Variants in ME2 observed in about 807,000 individuals in gnomAD.
ME2 encodes the protein malic enzyme 2.
In ME2, 60 loss-of-function variants were observed where a neutral mutation model predicts 73.7. The observed-to-expected ratio is 0.81, with a 90% CI of 0.66 to 1.01. ME2 has a LOEUF of 1.01. ME2 is among the 50% of genes least tolerant of loss of function. ME2 has a pLI of 0.00. For synonymous variants in ME2, 199 were observed against 236.9 expected, an observed-to-expected ratio of 0.84 and a Z score of 1.47; for missense variants, 594 against 705.5, an observed-to-expected ratio of 0.84 and a Z score of 1.79.
intron 15 of ME2, among the ~76,000 whole-genome samples, chr18:50,943,078 A>G (rs902759625): frequency 6.7e-6 from 1 of 150,250 alleles, no homozygotes; most frequent in Admixed American, 6.6e-5. Context: ...GGCACATGCC[A>G]CCACACCTGG....
At chr18:50,938,316 C>G (rs531187804) in intron 13 of ME2, among the ~76,000 whole-genome samples, 1 of 151,980 alleles carries the variant, frequency 6.6e-6, no homozygotes, top group African/African-American at 2.4e-5. Flanking sequence ...AGAGCGAGAC[C>G]CTGTTGCCAA....
chr18:50,943,379 A>C (rs1474569108), intron 15 of ME2, among the ~76,000 whole-genome samples: 1 of 150,784 alleles, frequency 6.6e-6, no homozygotes, highest in Non-Finnish European at 1.5e-5. Flanking sequence ...AGCTCACTGC[A>C]ACCTCTGCCT....
intron 10 of ME2, among the ~76,000 whole-genome samples, chr18:50,923,777 A>G (rs560482255): frequency 6.6e-6 from 1 of 152,316 alleles, no homozygotes; most frequent in East Asian, 1.9e-4. Flanking sequence ...AAATTTCTTA[A>G]TTCCAAAACT....
At chr18:50,919,125 G>A (rs1228377172) in intron 7 of ME2, among the ~76,000 whole-genome samples, 1 of 152,052 alleles carries the variant, frequency 6.6e-6, no homozygotes, top group Non-Finnish European at 1.5e-5. Flanking sequence ...GTTTTCCATT[G>A]CCGCAATCTT....
chr18:50,889,834 C>T (rs573081581), intron 1 of ME2, among the ~76,000 whole-genome samples: 1 of 152,184 alleles, frequency 6.6e-6, no homozygotes, highest in East Asian at 1.9e-4. Flanking sequence ...ATTTAACATG[C>T]CCAATAAGCC....
intron 11 of ME2, 34 bp from the exon 12 acceptor site, chr18:50,925,722 T>A (rs370538210): frequency 1.4e-5 from 22 of 1,600,740 alleles, no homozygotes; most frequent in Non-Finnish European, 1.9e-5. Flanking sequence ...ATACCTATAA[T>A]GAAGTTGCTG....
At position 50,920,473 on chromosome 18, in the gene ME2, T is replaced by G; in HGVS notation, c.752T>G (p.Leu251Arg). The change falls in exon 8 of 16, where the codon CTC becomes CGC. Residue 251 changes from leucine to arginine, a missense_variant. By Grantham distance (102) the Leu-to-Arg change is moderately radical. Coordinates refer to ENST00000321341, the MANE Select transcript of ME2 (RefSeq NM_002396.5). ...GTTTTTAGATATGGCCGGAACACAC[T>G]CATTCAGTTCGAAGACTTTGGAAAT... ...AITDRYGRNT[L>R]IQFEDFGNHN... 1 of 1,598,466 alleles carries G rather than the reference T, an allele frequency of 6.3e-7. No individual in the cohort carries two copies. The highest frequency in any genetic ancestry group is 8.5e-7 in the Non-Finnish European group (1 of 1,176,242).
At chr18:50,898,421 G>C (rs1008086012) in intron 2 of ME2, among the ~76,000 whole-genome samples, 1 of 151,972 alleles carries the variant, frequency 6.6e-6, no homozygotes, top group African/African-American at 2.4e-5. Context: ...TAGAAACCTA[G>C]TATTATTTCA....
chr18:50,920,853 G>A (rs1917409367), intron 9 of ME2, 95 bp downstream of exon 9: 1 of 962,838 alleles, frequency 1.0e-6, no homozygotes, highest in Non-Finnish European at 1.5e-6. Context: ...AGCATAGTGA[G>A]CCTGTAATTT....
chr18:50,890,225 T>C (rs1916572353), intron 1 of ME2, among the ~76,000 whole-genome samples: 1 of 152,138 alleles, frequency 6.6e-6, no homozygotes, highest in Non-Finnish European at 1.5e-5. Context: ...TTATTAATAC[T>C]ACACAAAAAT....
chr18:50,942,320 G>A (rs1917983415), intron 15 of ME2, among the ~76,000 whole-genome samples: 1 of 152,010 alleles, frequency 6.6e-6, no homozygotes, highest in Non-Finnish European at 1.5e-5. Flanking sequence ...GACCATTTTT[G>A]TTTACTATCT....
At chr18:50,933,738 T>C (rs1917751793) in intron 13 of ME2, 1 of 152,088 alleles carries the variant, frequency 6.6e-6, no homozygotes. Context: ...GCAGGGGGTT[T>C]CATGTATAGA....
intron 10 of ME2, among the ~76,000 whole-genome samples, chr18:50,923,369 A>T (rs1599112611): frequency 6.6e-6 from 1 of 152,322 alleles, no homozygotes; most frequent in Admixed American, 6.5e-5. Flanking sequence ...ACTTGATGTG[A>T]CTATTCATAA....
intron 13 of ME2, 102 bp downstream of exon 13, chr18:50,932,462 C>A (rs995001788): frequency 1.4e-5 from 11 of 781,554 alleles, no homozygotes; most frequent in East Asian, 6.0e-5. Flanking sequence ...AACAGTATTA[C>A]AGAATTTTGG....
rs776851081 is a variant in ME2, at chr18:50,895,906, T to C, written c.86T>C (p.Met29Thr). The change falls in exon 2 of 16, where the codon ATG becomes ACG. Residue 29 changes from methionine to threonine, a missense_variant. Transcript: ENST00000321341. The part of the protein sequence containing the change: ...LHIKEKGKPL[M>T]LNPRTNKGMA... ...ATAAAAGAAAAAGGCAAGCCACTTA[T>C]GCTGAACCCAAGAACAAACAAGGTT... 1.8e-5 allele frequency: 29 copies of C among 1,613,160 alleles called. No individual in the cohort carries two copies. Among genetic ancestry groups the C allele is most frequent in the Non-Finnish European group, 2.4e-5 (28 of 1,179,220 alleles).
Position 50,895,805 on chromosome 18 carries a change from T to C in ME2, c.-12-4T>C, listed in dbSNP as rs369785821. 8 of 1,589,384 alleles carry C rather than the reference T, an allele frequency of 5.0e-6. No individual in the cohort carries two copies. Among genetic ancestry groups the C allele is most frequent in the Non-Finnish European group, 6.9e-6 (8 of 1,159,932 alleles). ...CAGTGGTTTATTTGCTTTGTTTTTCTCAGGTGAAAGAAAAGATGTTGTCCC... is the reference window on the plus strand; with the variant it reads ...CAGTGGTTTATTTGCTTTGTTTTTCCCAGGTGAAAGAAAAGATGTTGTCCC... On this transcript the variant is annotated splice_polypyrimidine_tract_variant and splice_region_variant and intron_variant, in intron 1 of 15. Coordinates refer to ENST00000321341, the MANE Select transcript of ME2 (RefSeq NM_002396.5).
At chr18:50,927,052 A>C (rs1917569417) in intron 12 of ME2, among the ~76,000 whole-genome samples, 1 of 152,198 alleles carries the variant, frequency 6.6e-6, no homozygotes, top group Admixed American at 6.5e-5. Context: ...CGAACTGTTT[A>C]AGATTCACTA....
chr18:50,879,320 C>G lies in ME2; in HGVS notation c.-13+12C>G, dbSNP rs1021312954. Reference sequence around the variant, plus strand: ...GCGCGAGACCTCTGGTAAGGCCCGGCGCGGTGGGGCCCGGGCGGGGGTCCG... The same window carrying G: ...GCGCGAGACCTCTGGTAAGGCCCGGGGCGGTGGGGCCCGGGCGGGGGTCCG... On this transcript the variant is annotated intron_variant, in intron 1 of 15. Transcript: ENST00000321341. The G allele has an allele frequency of 6.6e-6, 1 of 151,772 alleles. No homozygotes were observed. Among genetic ancestry groups the G allele is most frequent in the Non-Finnish European group, 1.5e-5 (1 of 67,946 alleles). 9.4% of individuals were successfully genotyped at this position (151,772 alleles called of 1,614,324 possible).
chr18:50,880,368 T>G (rs1258740501), intron 1 of ME2, among the ~76,000 whole-genome samples: 3 of 152,226 alleles, frequency 2.0e-5, no homozygotes, highest in Admixed American at 6.5e-5. Context: ...CCCCACTCCC[T>G]TAAACGTGTA....
Sources: allele counts gnomAD v4.1 joint callset (sites outside exome capture counted in the v4.1 genomes callset), GRCh38; gene constraint gnomAD v4.1.1; transcripts MANE v1.5; gene names NCBI Gene and HGNC (gene_info 2026-07-23, HGNC 2026-07-21).